Variants in WWP2 observed in about 807,000 individuals in gnomAD.
The protein encoded by WWP2 is WW domain containing E3 ubiquitin protein ligase 2.
A neutral mutation model predicts 121.0 loss-of-function variants in WWP2; 57 were observed. The ratio of observed to expected loss-of-function variants is 0.47; its 90% CI spans 0.38 to 0.59. The LOEUF is 0.59. WWP2 is among the 20% of genes least tolerant of loss of function. The probability of loss-of-function intolerance (pLI) is 0.00; values close to 1 mark genes in which losing one functional copy is unlikely to be tolerated. For synonymous variants in WWP2, 449 were observed against 441.3 expected, an observed-to-expected ratio of 1.02 and a Z score of -0.22; for missense variants, 962 against 1,158.9, an observed-to-expected ratio of 0.83 and a Z score of 2.47.
intron 9 of WWP2, chr16:69,910,554 C>T (rs1490011431): frequency 5.7e-5 from 10 of 176,316 alleles, no homozygotes; most frequent in South Asian, 1.9e-4. Context: ...GGATTACAGG[C>T]GCCCGCCACT....
intron 1 of WWP2, among the ~76,000 whole-genome samples, chr16:69,772,076 C>T (rs748468320): frequency 2.7e-5 from 4 of 149,172 alleles, no homozygotes; most frequent in African/African-American, 4.9e-5. Flanking sequence ...TCTCCTGCCT[C>T]GGCCTATCCC....
intron 6 of WWP2, among the ~76,000 whole-genome samples, chr16:69,863,284 A>G (rs1432867915): frequency 6.6e-6 from 1 of 152,128 alleles, no homozygotes; most frequent in Non-Finnish European, 1.5e-5. Context: ...ATTTACCCTT[A>G]CTAGTGTATA....
At chr16:69,933,764 G>T (rs761685858) in intron 16 of WWP2, among the ~76,000 whole-genome samples, 6 of 152,110 alleles carry the variant, frequency 3.9e-5, no homozygotes, top group Middle Eastern at 6.8e-3. Flanking sequence ...TGCAGTTGCC[G>T]CCCTGGTTCA....
chr16:69,918,565 C>T (rs1321403737), intron 10 of WWP2, among the ~76,000 whole-genome samples: 1 of 152,222 alleles, frequency 6.6e-6, no homozygotes, highest in Non-Finnish European at 1.5e-5. Context: ...GTAGCCTAAG[C>T]CTACTGTCTG....
At chr16:69,767,395 C>T (rs924672613) in intron 1 of WWP2, among the ~76,000 whole-genome samples, 1 of 152,114 alleles carries the variant, frequency 6.6e-6, no homozygotes, top group African/African-American at 2.4e-5. Flanking sequence ...TCTTCAGAGT[C>T]CACATCTGGT....
rs766540283 is a variant in WWP2 at position 69,937,611 on chromosome 16, C to G, written c.2302C>G (p.His768Asp). Reference sequence around the variant, plus strand: ...CTGGCAGAAGAGCACCATCTACCGGCACTACACCAAGAACAGCAAGCAGAT... The same window carrying G: ...CTGGCAGAAGAGCACCATCTACCGGGACTACACCAAGAACAGCAAGCAGAT... ...SDWQKSTIYR[H>D]YTKNSKQIQW... The change falls in exon 21 of 24, where the codon CAC (histidine) becomes GAC (aspartate). Residue 768 changes from histidine to aspartate, a missense_variant. This residue lies in a region of WWP2 where 606 missense variants were observed against 772.6 expected (regional missense o/e 0.78). Transcript: ENST00000359154. The surrounding 1 kb of genome is among the most constrained non-coding windows in gnomAD (Gnocchi z 6.6). 2.5e-6 allele frequency: 4 copies of G among 1,613,906 alleles called. No individual in the cohort carries two copies. Among genetic ancestry groups the G allele is most frequent in the Non-Finnish European group, 3.4e-6 (4 of 1,179,984 alleles).
Position 69,865,514 on chromosome 16 carries a change from G to C in WWP2, c.576-6290G>C, listed in dbSNP as rs183369045. Among the ~76,000 whole-genome samples the C allele has an allele frequency of 8.3e-3, 1,257 of 152,294 alleles. 6 individuals carry two copies. Among genetic ancestry groups the C allele is most frequent in the Non-Finnish European group, 0.013 (902 of 68,028 alleles). ...GAAAAGAGAGCTTCATTTCTAAAGG[G>C]GGGGTACCATAACCTGCAGGCAGGA... is the stretch of plus-strand genomic sequence containing the variant. On this transcript the variant is annotated intron_variant, in intron 6 of 23. Coordinates refer to ENST00000359154, the MANE Select transcript of WWP2 (RefSeq NM_001270454.2).
At chr16:69,791,303 C>G (rs2151800873) in intron 2 of WWP2, among the ~76,000 whole-genome samples, 1 of 152,030 alleles carries the variant, frequency 6.6e-6, no homozygotes, top group African/African-American at 2.4e-5. Context: ...TCTTGGTTCA[C>G]TGCAACCTCT....
intron 7 of WWP2, among the ~76,000 whole-genome samples, chr16:69,873,689 G>C (rs1239526504): frequency 6.6e-6 from 1 of 152,196 alleles, no homozygotes; most frequent in Non-Finnish European, 1.5e-5. Flanking sequence ...TTGTGGAGGA[G>C]GGCAGTGTTT....
chr16:69,856,173 A>G (rs1242077275), intron 6 of WWP2, among the ~76,000 whole-genome samples: 1 of 152,192 alleles, frequency 6.6e-6, no homozygotes, highest in African/African-American at 2.4e-5. Context: ...ATGACTCTTA[A>G]AAGTATTAGG....
intron 8 of WWP2, among the ~76,000 whole-genome samples, chr16:69,889,083 G>A (rs192843309): frequency 6.2e-4 from 95 of 152,300 alleles, no homozygotes; most frequent in African/African-American, 2.1e-3. Context: ...GGAGGCTGGG[G>A]TGGGAGGATC....
chr16:69,777,370 G>A (rs1286827299), intron 1 of WWP2, among the ~76,000 whole-genome samples: 1 of 151,640 alleles, frequency 6.6e-6, no homozygotes, highest in Non-Finnish European at 1.5e-5. Context: ...GTGCGGTCTT[G>A]GCTTATTGCA....
chr16:69,885,715 T>G (rs1471458307), intron 7 of WWP2, among the ~76,000 whole-genome samples: 2 of 152,230 alleles, frequency 1.3e-5, no homozygotes, highest in African/African-American at 4.8e-5. Flanking sequence ...CTATATGACC[T>G]TGAGAGGTGT....
chr16:69,893,400 T>C (rs1388060508), intron 8 of WWP2, among the ~76,000 whole-genome samples: 1 of 152,134 alleles, frequency 6.6e-6, no homozygotes, highest in Non-Finnish European at 1.5e-5. Flanking sequence ...TAGATGAATG[T>C]TTTTTGCCTC....
At chr16:69,814,350 T>C (rs571817990) in intron 4 of WWP2, among the ~76,000 whole-genome samples, 17 of 152,280 alleles carry the variant, frequency 1.1e-4, no homozygotes, top group Non-Finnish European at 2.2e-4. Context: ...TTAAACACTA[T>C]GAATTTGTAC....
intron 10 of WWP2, among the ~76,000 whole-genome samples, chr16:69,924,808 T>C (rs2058615423): frequency 7.0e-6 from 1 of 143,222 alleles, no homozygotes; most frequent in Admixed American, 7.2e-5. Context: ...AAAACATTCC[T>C]GGGGGAGGTG....
At chr16:69,845,122 C>T (rs998459000) in intron 6 of WWP2, among the ~76,000 whole-genome samples, 2 of 152,074 alleles carry the variant, frequency 1.3e-5, no homozygotes, top group African/African-American at 2.4e-5. Context: ...CAAAACCTCT[C>T]GGATCCCCAG....
intron 1 of WWP2, among the ~76,000 whole-genome samples, chr16:69,769,178 G>A (rs908039294): frequency 6.6e-6 from 1 of 152,008 alleles, no homozygotes; most frequent in African/African-American, 2.4e-5. Context: ...CTAGTCAGGC[G>A]TGGTGACAGG....
chr16:69,914,069 C>A (rs2058440577), intron 9 of WWP2, among the ~76,000 whole-genome samples: 1 of 49,984 alleles, frequency 2.0e-5, no homozygotes. Context: ...GAGACTCTGT[C>A]TCAAAAAAAA....
Sources: allele counts gnomAD v4.1 joint callset (sites outside exome capture counted in the v4.1 genomes callset), GRCh38; gene constraint gnomAD v4.1.1; regional missense constraint gnomAD v4.1.1; non-coding constraint Gnocchi (gnomAD v3.1); transcripts MANE v1.5; gene names NCBI Gene and HGNC (gene_info 2026-07-23, HGNC 2026-07-21).